The following MED13L variants were observed in gnomAD, a reference collection of about 807,000 sequenced individuals.
MED13L encodes mediator complex subunit 13L, also known as mediator of RNA polymerase II transcription subunit 13-like.
Under a neutral mutation model 220.9 loss-of-function variants are expected in MED13L, and 7 were observed. That is an observed-to-expected ratio of 0.03 (90% CI 0.02 to 0.06). The LOEUF is 0.06. Among genes scored for constraint, MED13L ranks in the 10% least tolerant of loss-of-function variants. MED13L has a pLI of 1.00. For synonymous variants in MED13L, 1,011 were observed against 1,015.2 expected (o/e 1.00, Z 0.08); for missense variants, 1,965 against 2,760.5 (o/e 0.71, Z 6.46).
intron 4 of MED13L, among the ~76,000 whole-genome samples, chr12:116,045,039 T>A (rs749855305): frequency 6.6e-6 from 1 of 152,154 alleles, no homozygotes; most frequent in Non-Finnish European, 1.5e-5. Flanking sequence ...AAAACACACA[T>A]AAATCCAAGG....
rs1879503429 is a variant in MED13L at position 116,012,920 on chromosome 12, T to C, written c.1176-19A>G. The C allele has an allele frequency of 6.4e-7, 1 of 1,560,232 alleles. No individual in the cohort carries two copies. The highest frequency in any genetic ancestry group is 1.1e-5 in the South Asian group (1 of 89,962). ...GCTCCTCCTAAAAGGGTTAAAAATG[T>C]GACTTATGTGTGAACATAATACCCA... On this transcript the variant is annotated intron_variant, in intron 8 of 30. Transcript: ENST00000281928.
intron 2 of MED13L, among the ~76,000 whole-genome samples, chr12:116,121,337 T>C (rs1875076047): frequency 6.6e-6 from 1 of 152,106 alleles, no homozygotes; most frequent in Non-Finnish European, 1.5e-5. Context: ...CCTTACAGAA[T>C]TAATAAGCTT....
Position 116,018,908 on chromosome 12 carries a change from A to C in MED13L, c.1009+316T>G, listed in dbSNP as rs558034086. Among the ~76,000 whole-genome samples, 248 of 138,624 alleles carry C rather than the reference A, an allele frequency of 1.8e-3. 1 individual carries two copies. The highest frequency in any genetic ancestry group is 5.6e-3 in the African/African-American group (212 of 38,010). 90.9% of individuals were successfully genotyped at this position (138,624 alleles called of 152,430 possible). On this transcript the variant is annotated intron_variant, in intron 7 of 30. Transcript: ENST00000281928. The stretch of plus-strand genomic sequence containing the variant: ...CAGTTGTTCAAAATTAAAAAAAAAA[A>C]AAACAAAAAAAAACCCTACATTTTA...
intron 2 of MED13L, among the ~76,000 whole-genome samples, chr12:116,207,255 C>G (rs1053360049): frequency 5.3e-5 from 8 of 151,998 alleles, no homozygotes; most frequent in African/African-American, 7.3e-5. Flanking sequence ...CCTGCCTCAC[C>G]CTCCCAAAAT....
At chr12:116,080,168 G>C (rs1593019860) in intron 4 of MED13L, among the ~76,000 whole-genome samples, 1 of 152,228 alleles carries the variant, frequency 6.6e-6, no homozygotes, top group South Asian at 2.1e-4. Flanking sequence ...GTGCAACACA[G>C]TGGCATGATC....
rs568862052 is a variant in MED13L, at chr12:116,108,338, G to A, written c.395+3090C>T. Reference sequence around the variant, plus strand: ...GTGTCTCATCGGAAGAACTGTCGTGGGCCACACATAAAATAGACTCTAACA... The same window carrying A: ...GTGTCTCATCGGAAGAACTGTCGTGAGCCACACATAAAATAGACTCTAACA... On this transcript the variant is annotated intron_variant, in intron 3 of 30. Transcript: ENST00000281928. Among the ~76,000 whole-genome samples the A allele has an allele frequency of 4.5e-5, 6 of 134,294 alleles. No individual in the cohort carries two copies. The East Asian group carries it at 1.4e-3, about 31-fold the overall frequency. The allele number at this position is 134,294 out of a possible 152,430, so 88.1% of individuals were successfully genotyped here.
intron 4 of MED13L, among the ~76,000 whole-genome samples, chr12:116,082,281 T>A (rs1368928126): frequency 1.3e-5 from 2 of 152,298 alleles, no homozygotes; most frequent in Middle Eastern, 3.4e-3. Context: ...GGAAAAACTT[T>A]CACTTTTGGG....
At chr12:116,269,419 G>T (rs373819904) in intron 1 of MED13L, among the ~76,000 whole-genome samples, 9 of 109,858 alleles carry the variant, frequency 8.2e-5, no homozygotes, top group South Asian at 6.6e-4. Context: ...CCTCCTCCCC[G>T]CCCCCCCAAT....
chr12:116,235,122 T>C (rs1869955138), intron 2 of MED13L, among the ~76,000 whole-genome samples: 1 of 152,186 alleles, frequency 6.6e-6, no homozygotes, highest in African/African-American at 2.4e-5. Context: ...TGAAACAAAG[T>C]TGTCTTTATG....
At chr12:115,972,341 G>T in intron 25 of MED13L, 105 bp from the exon 26 acceptor site, 2 of 1,369,202 alleles carry the variant, frequency 1.5e-6, no homozygotes, top group Non-Finnish European at 2.0e-6. Flanking sequence ...CCAAGGTTGG[G>T]CCCTAAAGGG....
chr12:116,231,777 G>A (rs1015055519), intron 2 of MED13L, among the ~76,000 whole-genome samples: 1 of 152,166 alleles, frequency 6.6e-6, no homozygotes, highest in African/African-American at 2.4e-5. Flanking sequence ...GGTCCGTGAA[G>A]TCTGAAAATT....
chr12:116,183,184 T>A (rs1047930321), intron 2 of MED13L, among the ~76,000 whole-genome samples: 4 of 152,208 alleles, frequency 2.6e-5, no homozygotes, highest in Non-Finnish European at 5.9e-5. Flanking sequence ...AACAACTCCT[T>A]ACCTGAGTCT....
At chr12:116,173,297 C>G (rs1165848739) in intron 2 of MED13L, among the ~76,000 whole-genome samples, 1 of 152,102 alleles carries the variant, frequency 6.6e-6, no homozygotes, top group Non-Finnish European at 1.5e-5. Flanking sequence ...ATAACTTGAC[C>G]AGGTATGGCA....
At chr12:116,255,093 T>C (rs1173198604) in intron 1 of MED13L, among the ~76,000 whole-genome samples, 1 of 152,146 alleles carries the variant, frequency 6.6e-6, no homozygotes, top group East Asian at 1.9e-4. Context: ...ATCAATACAA[T>C]TTTTAAAAGA....
rs1207291009 is a variant in MED13L at position 115,972,121 on chromosome 12, G to A, written c.5847C>T (p.Cys1949=). The stretch of plus-strand genomic sequence containing the variant: ...ACCCCTGGGGCTCCATGGCAACCAG[G>A]CAGGCACTAAGGATAGAAGGAGAGT... ...AADSPSILSA[C]LVAMEPQGSF... Residue 1949 remains cysteine, a synonymous_variant, in exon 26 of 31, where the codon TGC becomes TGT. Transcript: ENST00000281928. 2 of 1,614,014 alleles carry A rather than the reference G, an allele frequency of 1.2e-6. No homozygotes were observed. Among genetic ancestry groups the A allele is most frequent in the Admixed American group, 3.3e-5 (2 of 60,004 alleles).
intron 2 of MED13L, among the ~76,000 whole-genome samples, chr12:116,217,140 C>CA (rs2138375773): frequency 6.6e-6 from 1 of 152,290 alleles, no homozygotes; most frequent in East Asian, 1.9e-4. Context: ...TCTCCTGTGA[C>CA]AGTTACCTCT....
intron 2 of MED13L, among the ~76,000 whole-genome samples, chr12:116,129,196 G>A (rs979619510): frequency 7.2e-5 from 11 of 152,066 alleles, no homozygotes; most frequent in African/African-American, 2.7e-4. Context: ...ACTTTGGGAG[G>A]CCGAGGCAGG....
At chr12:115,993,000 T>TA (rs201429020) in intron 16 of MED13L, among the ~76,000 whole-genome samples, 3,644 of 146,542 alleles carry the variant, frequency 0.025, 66 homozygotes, top group Non-Finnish European at 0.038. Flanking sequence ...AAAATACAAT[T>TA]AAAAAAAAAA....
At chr12:116,154,910 T>C (rs1878307624) in intron 2 of MED13L, among the ~76,000 whole-genome samples, 1 of 152,128 alleles carries the variant, frequency 6.6e-6, no homozygotes, top group Admixed American at 6.6e-5. Flanking sequence ...CACTGCAACC[T>C]CTGCCTCCCA....
Sources: gnomAD v4.1 joint callset for allele counts (sites outside exome capture counted in the v4.1 genomes callset) on GRCh38, gnomAD v4.1.1 for gene constraint, MANE v1.5 for transcripts, NCBI Gene and HGNC (gene_info 2026-07-23, HGNC 2026-07-21) for gene names.